Variants in SGCD observed in about 807,000 individuals in gnomAD.
SGCD encodes sarcoglycan delta.
Under a neutral mutation model 36.6 loss-of-function variants are expected in SGCD, and 18 were observed. That is an observed-to-expected ratio of 0.49 (90% confidence interval 0.34 to 0.73). The LOEUF (loss-of-function observed/expected upper bound fraction) is 0.73. SGCD is among the 30% of genes least tolerant of loss of function. The pLI is 0.01. For synonymous variants in SGCD, 133 were observed against 130.6 expected (o/e 1.02, Z -0.12); for missense variants, 387 against 346.7 (o/e 1.12, Z -0.92).
At chr5:156,487,714 G>T (rs1357339723) in intron 3 of SGCD, among the ~76,000 whole-genome samples, 12 of 142,948 alleles carry the variant, frequency 8.4e-5, no homozygotes, top group South Asian at 2.3e-4. Flanking sequence ...CTTGAACCCA[G>T]GAGGTGGAAG....
chr5:156,262,216 A>G (rs1220670778), intron 3 of SGCD, among the ~76,000 whole-genome samples: 1 of 152,056 alleles, frequency 6.6e-6, no homozygotes, highest in Non-Finnish European at 1.5e-5. Flanking sequence ...AGCTCCATTC[A>G]TGGGAAGTGC....
chr5:156,663,402 T>TA (rs1764012984), intron 7 of SGCD, among the ~76,000 whole-genome samples: 1 of 147,086 alleles, frequency 6.8e-6, no homozygotes, highest in South Asian at 2.1e-4. Flanking sequence ...ATAATGGCCT[T>TA]ACACACAGGT....
intron 1 of SGCD, among the ~76,000 whole-genome samples, chr5:156,062,066 A>C: frequency 1.2e-5 from 1 of 80,466 alleles, no homozygotes; most frequent in South Asian, 4.0e-4. Flanking sequence ...ATATCTCCCA[A>C]TGCTATCCCT....
intron 6 of SGCD, among the ~76,000 whole-genome samples, chr5:156,639,235 A>G (rs1260323654): frequency 2.6e-5 from 4 of 152,276 alleles, no homozygotes; most frequent in Middle Eastern, 3.4e-3. Context: ...GAGAAGTACT[A>G]CTATTATTCC....
intron 4 of SGCD, among the ~76,000 whole-genome samples, chr5:156,509,462 G>C (rs1756843002): frequency 6.6e-6 from 1 of 152,162 alleles, no homozygotes. Context: ...GCTACATTCT[G>C]AAATGGTATT....
At chr5:156,168,911 A>G (rs1484669861) in intron 3 of SGCD, among the ~76,000 whole-genome samples, 1 of 152,186 alleles carries the variant, frequency 6.6e-6, no homozygotes, top group African/African-American at 2.4e-5. Context: ...GCTGACAAGG[A>G]GCCCTTCCCA....
At chr5:155,800,702 T>A in the SGCD span, among the ~76,000 whole-genome samples, 1 of 152,194 alleles carries the variant, frequency 6.6e-6, no homozygotes, top group Non-Finnish European at 1.5e-5. Flanking sequence ...GCTGCAGATC[T>A]TTGCGCAGTT....
intron 6 of SGCD, among the ~76,000 whole-genome samples, chr5:156,643,017 GT>G (rs1443896657): frequency 7.8e-6 from 1 of 127,640 alleles, no homozygotes; most frequent in Non-Finnish European, 1.6e-5. Context: ...TTTTTGGGGG[GT>G]TTTTTGTTTT....
intron 7 of SGCD, among the ~76,000 whole-genome samples, chr5:156,752,532 A>C (rs1022898183): frequency 1.3e-5 from 2 of 152,052 alleles, no homozygotes; most frequent in Non-Finnish European, 1.5e-5. Context: ...AGCTGGGATT[A>C]CAGGCACCTG....
intron 3 of SGCD, among the ~76,000 whole-genome samples, chr5:156,140,454 G>A (rs1404631331): frequency 1.3e-5 from 2 of 152,066 alleles, no homozygotes; most frequent in Non-Finnish European, 2.9e-5. Context: ...ATGGTCGTGA[G>A]GAATATCTTA....
At chr5:156,072,625 T>A (rs577370745) in intron 1 of SGCD, among the ~76,000 whole-genome samples, 3 of 152,124 alleles carry the variant, frequency 2.0e-5, no homozygotes, top group Non-Finnish European at 4.4e-5. Flanking sequence ...TTGTTCTTCT[T>A]GAGGAGTATC....
chr5:156,356,805 A>G (rs996384901), intron 3 of SGCD, among the ~76,000 whole-genome samples: 3 of 152,190 alleles, frequency 2.0e-5, no homozygotes, highest in African/African-American at 4.8e-5. Flanking sequence ...CCTCAATTCA[A>G]TGACAAGTGT....
chr5:156,433,989 T>C (rs191756052), intron 3 of SGCD, among the ~76,000 whole-genome samples: 1 of 152,336 alleles, frequency 6.6e-6, no homozygotes, highest in Non-Finnish European at 1.5e-5. Flanking sequence ...TTGCTCATGA[T>C]TGGCCTCCAA....
At chr5:156,577,910 C>A (rs1261489923) in intron 4 of SGCD, among the ~76,000 whole-genome samples, 1 of 152,166 alleles carries the variant, frequency 6.6e-6, no homozygotes, top group African/African-American at 2.4e-5. Flanking sequence ...CCCTTTATTT[C>A]TTTCTCTTCC....
At chr5:156,068,819 C>A (rs1760429462) in intron 1 of SGCD, among the ~76,000 whole-genome samples, 1 of 151,858 alleles carries the variant, frequency 6.6e-6, no homozygotes, top group South Asian at 2.1e-4. Context: ...GCCATTCTAA[C>A]TGGTGTGAGA....
chr5:156,447,050 A>G (rs985937061), intron 3 of SGCD, among the ~76,000 whole-genome samples: 26 of 152,178 alleles, frequency 1.7e-4, no homozygotes, highest in African/African-American at 6.3e-4. Flanking sequence ...AAAGGATGTT[A>G]AACAGATCTA....
intron 1 of SGCD, among the ~76,000 whole-genome samples, chr5:155,947,165 T>C (rs556936916): frequency 6.6e-6 from 1 of 152,266 alleles, no homozygotes; most frequent in South Asian, 2.1e-4. Context: ...ACTATGGCAT[T>C]GATGCTTTAT....
intron 7 of SGCD, among the ~76,000 whole-genome samples, chr5:156,732,613 G>GAGTT (rs763208915): frequency 3.9e-5 from 6 of 151,964 alleles, no homozygotes; most frequent in Non-Finnish European, 8.8e-5. Context: ...CTCATAGAAT[G>GAGTT]AGTTAGGGCA....
At chr5:155,969,831 C>G (rs1022448018) in intron 1 of SGCD, among the ~76,000 whole-genome samples, 1 of 152,078 alleles carries the variant, frequency 6.6e-6, no homozygotes, top group Non-Finnish European at 1.5e-5. Flanking sequence ...TCACTGTCAT[C>G]CATGGTCCCC....
Sources: allele counts gnomAD v4.1 joint callset (sites outside exome capture counted in the v4.1 genomes callset), GRCh38; gene constraint gnomAD v4.1.1; transcripts MANE v1.5; gene names NCBI Gene and HGNC (gene_info 2026-07-23, HGNC 2026-07-21).